The following RAB1A variants were observed in gnomAD, a reference collection of about 807,000 sequenced individuals.
The protein encoded by RAB1A is ras-related protein Rab-1A.
Under a neutral mutation model 26.0 loss-of-function variants are expected in RAB1A, and 2 were observed. The ratio of observed to expected loss-of-function variants is 0.08; its 90% CI spans 0.03 to 0.24. The LOEUF is 0.24. Among genes scored for constraint, RAB1A ranks in the 10% least tolerant of loss-of-function variants. The pLI, the probability that RAB1A is intolerant of heterozygous loss-of-function variation, is 1.00. For synonymous variants in RAB1A, 84 were observed against 84.9 expected (o/e 0.99, Z 0.06); for missense variants, 100 against 247.0 (o/e 0.40, Z 3.99).
chr2:65,124,513 T>C (rs1268656719), intron 1 of RAB1A, among the ~76,000 whole-genome samples: 1 of 152,140 alleles, frequency 6.6e-6, no homozygotes, highest in Non-Finnish European at 1.5e-5. Flanking sequence ...AGTGGCGCAA[T>C]CTCAGCTCAC....
intron 3 of RAB1A, among the ~76,000 whole-genome samples, chr2:65,096,377 T>A (rs1348205243): frequency 6.6e-6 from 1 of 151,958 alleles, no homozygotes; most frequent in Non-Finnish European, 1.5e-5. Flanking sequence ...GGAAAAGAAA[T>A]TCCTATTAAA....
Position 65,129,926 on chromosome 2 carries a change from C to G in RAB1A, c.-11G>C, listed in dbSNP as rs1156957766. 1 of 1,585,504 alleles carries G rather than the reference C, an allele frequency of 6.3e-7. No individual in the cohort carries two copies. The highest frequency in any genetic ancestry group is 8.6e-7 in the Non-Finnish European group (1 of 1,167,716). On this transcript the variant is annotated 5_prime_UTR_variant, in exon 1 of 6. Coordinates refer to ENST00000409784, the MANE Select transcript of RAB1A (RefSeq NM_004161.5). ...ATTCATGCTGGACATGTCACTGCAG[C>G]TGCCGCCGCCGCCACCGCCGCCCTT...
chr2:65,119,508 C>T (rs1669903579), intron 1 of RAB1A, among the ~76,000 whole-genome samples: 1 of 150,742 alleles, frequency 6.6e-6, no homozygotes, highest in Non-Finnish European at 1.5e-5. Flanking sequence ...TTGCAATGAC[C>T]CGAAATCGAG....
At chr2:65,121,785 CG>C (rs1669968157) in intron 1 of RAB1A, among the ~76,000 whole-genome samples, 1 of 151,486 alleles carries the variant, frequency 6.6e-6, no homozygotes, top group African/African-American at 2.4e-5. Context: ...CCCTCTAAAG[CG>C]GGGGCCGGGG....
intron 1 of RAB1A, among the ~76,000 whole-genome samples, chr2:65,128,083 T>C (rs577397815): frequency 1.2e-4 from 19 of 152,280 alleles, no homozygotes; most frequent in Non-Finnish European, 7.4e-5. Context: ...ATCCTGGTAC[T>C]AATAGAATGC....
At position 65,126,202 on chromosome 2, in the gene RAB1A, T is replaced by A. The variant is rs1013064418; in HGVS notation, c.23+3691A>T. On this transcript the variant is annotated intron_variant, in intron 1 of 5. Coordinates refer to ENST00000409784, the MANE Select transcript of RAB1A (RefSeq NM_004161.5). ...GGTGGCAAATGCCTGTAATCCCAGC[T>A]ACTCAGGAGACCAAGGCAGGAAAAT... is the stretch of plus-strand genomic sequence containing the variant. 2.0e-5 allele frequency among the ~76,000 whole-genome samples: 3 copies of A among 151,972 alleles called. No individual in the cohort carries two copies. The South Asian group carries it at 6.2e-4, about 32-fold the overall frequency.
chr2:65,088,821 ACT>A, intron 5 of RAB1A, 116 bp downstream of exon 5: 1 of 1,325,606 alleles, frequency 7.5e-7, no homozygotes, highest in Non-Finnish European at 1.0e-6. Context: ...ACAAATTGTC[ACT>A]GTCACAGTAT....
At chr2:65,116,921 A>G (rs557704435) in intron 1 of RAB1A, among the ~76,000 whole-genome samples, 1 of 152,330 alleles carries the variant, frequency 6.6e-6, no homozygotes, top group South Asian at 2.1e-4. Flanking sequence ...ATGACCTCTA[A>G]GTCTCCAAGT....
chr2:65,128,836 T>C (rs1670165434), intron 1 of RAB1A, among the ~76,000 whole-genome samples: 1 of 152,276 alleles, frequency 6.6e-6, no homozygotes, highest in Middle Eastern at 3.4e-3. Context: ...ATGTAAACTG[T>C]AGAGGAAATT....
Position 65,088,473 on chromosome 2 carries a change from G to C in RAB1A, c.*20C>G, listed in dbSNP as rs1289725745. 6.3e-7 allele frequency: 1 copy of C among 1,578,022 alleles called. No homozygotes were observed. The highest frequency in any genetic ancestry group is 1.4e-5 in the African/African-American group (1 of 73,820). Reference sequence around the variant, plus strand: ...TCAGATTGCAAATTCATTGCTGTGAGAAAAGGATGGAGGCAAATTTTAGCA... The same window carrying C: ...TCAGATTGCAAATTCATTGCTGTGACAAAAGGATGGAGGCAAATTTTAGCA... On this transcript the variant is annotated 3_prime_UTR_variant, in exon 6 of 6. Coordinates refer to ENST00000409784, the MANE Select transcript of RAB1A (RefSeq NM_004161.5).
intron 1 of RAB1A, among the ~76,000 whole-genome samples, chr2:65,120,239 C>T (rs1573089539): frequency 2.0e-5 from 3 of 152,050 alleles, no homozygotes; most frequent in African/African-American, 7.2e-5. Context: ...GGGAGGATCA[C>T]AAGATCAGGA....
At chr2:65,106,437 T>C (rs542665700) in intron 1 of RAB1A, 16 of 325,128 alleles carry the variant, frequency 4.9e-5, no homozygotes, top group South Asian at 3.3e-4. Flanking sequence ...GAAGAGAGGA[T>C]ATAAAACTTC....
intron 3 of RAB1A, among the ~76,000 whole-genome samples, chr2:65,094,218 C>A (rs1228839722): frequency 6.6e-6 from 1 of 152,090 alleles, no homozygotes; most frequent in Non-Finnish European, 1.5e-5. Context: ...GATCTGCCTG[C>A]CTCAGCCTCC....
chr2:65,112,800 T>A (rs1201406692), intron 1 of RAB1A, among the ~76,000 whole-genome samples: 4 of 152,240 alleles, frequency 2.6e-5, no homozygotes, highest in African/African-American at 9.6e-5. Flanking sequence ...CAGTTTTTCC[T>A]ATAAGTCAAC....
chr2:65,110,642 T>A (rs1354756200), intron 1 of RAB1A, among the ~76,000 whole-genome samples: 1 of 152,030 alleles, frequency 6.6e-6, no homozygotes. Flanking sequence ...ACATTAATAA[T>A]TGCTGCAATG....
intron 3 of RAB1A, among the ~76,000 whole-genome samples, chr2:65,091,855 G>C (rs941950327): frequency 2.0e-5 from 3 of 152,208 alleles, no homozygotes; most frequent in Non-Finnish European, 4.4e-5. Flanking sequence ...AGAAAAAAAT[G>C]TAAGGAAGAT....
At chr2:65,126,923 C>A (rs1670114049) in intron 1 of RAB1A, among the ~76,000 whole-genome samples, 1 of 152,164 alleles carries the variant, frequency 6.6e-6, no homozygotes, top group African/African-American at 2.4e-5. Context: ...CTGCTTAAGT[C>A]AGATTACTAA....
At chr2:65,107,750 G>A (rs1474444604) in intron 1 of RAB1A, among the ~76,000 whole-genome samples, 3 of 152,072 alleles carry the variant, frequency 2.0e-5, no homozygotes, top group African/African-American at 4.8e-5. Flanking sequence ...TGCTGTACTG[G>A]AGCCAGTTGA....
intron 2 of RAB1A, among the ~76,000 whole-genome samples, chr2:65,100,011 A>G (rs1669382182): frequency 6.6e-6 from 1 of 152,236 alleles, no homozygotes; most frequent in African/African-American, 2.4e-5. Flanking sequence ...AAGATAAGGT[A>G]TAAAACTCTA....
Sources: allele counts gnomAD v4.1 joint callset (sites outside exome capture counted in the v4.1 genomes callset), GRCh38; gene constraint gnomAD v4.1.1; transcripts MANE v1.5; gene names NCBI Gene and HGNC (gene_info 2026-07-23, HGNC 2026-07-21).